TYR: variants seen among roughly 807,000 people sequenced by gnomAD.
TYR encodes tyrosinase, also known as LB24-AB.
Under a neutral mutation model 51.5 loss-of-function variants are expected in TYR, and 58 were observed. The ratio of observed to expected loss-of-function variants is 1.13; its 90% CI spans 0.91 to 1.40. TYR has a LOEUF of 1.40. Ranked by LOEUF, TYR falls within the 40% of genes most tolerant of loss-of-function variation. TYR has a pLI of 0.00. For synonymous variants in TYR, 263 were observed against 235.2 expected (o/e 1.12, Z -1.08); for missense variants, 732 against 647.4 (o/e 1.13, Z -1.42).
chr11:89,246,373 G>A (rs1255438951), intron 3 of TYR, among the ~76,000 whole-genome samples: 1 of 152,114 alleles, frequency 6.6e-6, no homozygotes. Flanking sequence ...ATAAGAACCT[G>A]AGTTCATACT....
intron 2 of TYR, among the ~76,000 whole-genome samples, chr11:89,194,461 C>A (rs1943489587): frequency 6.6e-6 from 1 of 152,212 alleles, no homozygotes; most frequent in Non-Finnish European, 1.5e-5. Flanking sequence ...ATTATTTCTT[C>A]CCCTTGTTTA....
chr11:89,258,726 T>C (rs1317997977), intron 3 of TYR, among the ~76,000 whole-genome samples: 1 of 152,112 alleles, frequency 6.6e-6, no homozygotes, highest in Non-Finnish European at 1.5e-5. Flanking sequence ...ACTGGCCTGT[T>C]TTCTAAGCCT....
intron 1 of TYR, among the ~76,000 whole-genome samples, chr11:89,187,788 G>T (rs148974325): frequency 6.6e-6 from 1 of 151,936 alleles, no homozygotes; most frequent in Non-Finnish European, 1.5e-5. Context: ...GTTTTCAAAT[G>T]TCTTTGTGTC....
intron 3 of TYR, among the ~76,000 whole-genome samples, chr11:89,280,664 A>G (rs540192347): frequency 7.9e-5 from 12 of 151,558 alleles, no homozygotes; most frequent in Non-Finnish European, 1.6e-4. Context: ...ATCATATCTA[A>G]TATGATATAA....
intron 3 of TYR, among the ~76,000 whole-genome samples, chr11:89,268,040 G>A (rs1477743590): frequency 6.6e-6 from 1 of 151,890 alleles, no homozygotes; most frequent in African/African-American, 2.4e-5. Flanking sequence ...ATCATATTTA[G>A]ACTGCAGGTT....
chr11:89,288,650 C>T (rs932158634), intron 4 of TYR, among the ~76,000 whole-genome samples: 1 of 151,962 alleles, frequency 6.6e-6, no homozygotes, highest in African/African-American at 2.4e-5. Context: ...AAATAAGCAA[C>T]AGCAGATACT....
chr11:89,283,301 C>T (rs1187493086), intron 3 of TYR, among the ~76,000 whole-genome samples: 3 of 151,808 alleles, frequency 2.0e-5, no homozygotes, highest in Non-Finnish European at 2.9e-5. Flanking sequence ...TGTTTTCTGT[C>T]ATGGAAAAAA....
intron 3 of TYR, among the ~76,000 whole-genome samples, chr11:89,236,607 A>G (rs1419946030): frequency 6.6e-6 from 1 of 152,180 alleles, no homozygotes; most frequent in Admixed American, 6.5e-5. Flanking sequence ...ACCACAGAAT[A>G]TTGTGTGGCA....
At chr11:89,245,201 T>TG (rs1213458806) in intron 3 of TYR, among the ~76,000 whole-genome samples, 1 of 152,240 alleles carries the variant, frequency 6.6e-6, no homozygotes, top group Non-Finnish European at 1.5e-5. Context: ...TAGAAATATG[T>TG]GGTTGAAAGA....
chr11:89,222,351 G>T (rs1238840813), intron 2 of TYR, among the ~76,000 whole-genome samples: 1 of 152,116 alleles, frequency 6.6e-6, no homozygotes, highest in African/African-American at 2.4e-5. Flanking sequence ...CTAGGTATGA[G>T]AGCTAAGCAT....
intron 2 of TYR, among the ~76,000 whole-genome samples, chr11:89,214,569 A>G (rs1019330838): frequency 8.5e-5 from 13 of 152,232 alleles, no homozygotes; most frequent in African/African-American, 3.1e-4. Flanking sequence ...TATTGTAAAG[A>G]CACATGCACG....
chr11:89,239,028 T>C (rs947240762), intron 3 of TYR, among the ~76,000 whole-genome samples: 1 of 152,164 alleles, frequency 6.6e-6, no homozygotes, highest in Non-Finnish European at 1.5e-5. Context: ...TTAGGAATAT[T>C]GGCCTGTAAT....
At chr11:89,228,069 A>T in intron 3 of TYR, 99 bp downstream of exon 3, 2 of 1,452,666 alleles carry the variant, frequency 1.4e-6, no homozygotes, top group Admixed American at 3.4e-5. Context: ...CTAAGAAGTT[A>T]TGGTAGTCTA....
chr11:89,231,252 A>T (rs1015101602), intron 3 of TYR, among the ~76,000 whole-genome samples: 1 of 152,034 alleles, frequency 6.6e-6, no homozygotes, highest in Non-Finnish European at 1.5e-5. Context: ...GGGAAAACAT[A>T]GCAGTTTCTT....
chr11:89,292,242 C>T (rs1565426121), intron 4 of TYR, among the ~76,000 whole-genome samples: 1 of 152,018 alleles, frequency 6.6e-6, no homozygotes, highest in South Asian at 2.1e-4. Context: ...TCCAATAACA[C>T]ATTCAGTCAT....
chr11:89,191,995 T>C, intron 2 of TYR: 2 of 449,918 alleles, frequency 4.4e-6, no homozygotes, highest in South Asian at 1.6e-5. Context: ...TTTAGTTTTC[T>C]CCTGTTTAAA....
At chr11:89,196,114 G>A (rs764108804) in intron 2 of TYR, among the ~76,000 whole-genome samples, 4 of 152,120 alleles carry the variant, frequency 2.6e-5, no homozygotes, top group Non-Finnish European at 4.4e-5. Context: ...ATACATGTAA[G>A]GTAGTTAGAA....
At chr11:89,220,651 C>G (rs1939252) in intron 2 of TYR, among the ~76,000 whole-genome samples, 89,230 of 151,944 alleles carry the variant, frequency 0.59, 28,525 homozygotes, top group African/African-American at 0.86. Context: ...CTACTCAGAA[C>G]GCTGAGGCAG....
At chr11:89,211,563 G>T (rs1222210161) in intron 2 of TYR, among the ~76,000 whole-genome samples, 5 of 152,138 alleles carry the variant, frequency 3.3e-5, no homozygotes, top group Non-Finnish European at 5.9e-5. Flanking sequence ...AATTAGCAAG[G>T]TTATCCGGGA....
Sources: gnomAD v4.1 joint callset for allele counts (sites outside exome capture counted in the v4.1 genomes callset) on GRCh38, gnomAD v4.1.1 for gene constraint, MANE v1.5 for transcripts, NCBI Gene and HGNC (gene_info 2026-07-23, HGNC 2026-07-21) for gene names.